Variants in PTCD2 observed in about 807,000 individuals in gnomAD.
PTCD2 encodes pentatricopeptide repeat domain 2.
A neutral mutation model predicts 42.6 loss-of-function variants in PTCD2; 31 were observed. The ratio of observed to expected loss-of-function variants is 0.73; its 90% CI spans 0.55 to 0.98. The LOEUF (loss-of-function observed/expected upper bound fraction) is 0.98. PTCD2 is among the 50% of genes least tolerant of loss of function. The pLI is 0.00. For synonymous variants in PTCD2, 183 were observed against 170.9 expected, an observed-to-expected ratio of 1.07 and a Z score of -0.55; for missense variants, 476 against 454.8, an observed-to-expected ratio of 1.05 and a Z score of -0.42.
chr5:72,338,103 A>G (rs1409932574), intron 6 of PTCD2, among the ~76,000 whole-genome samples: 2 of 152,212 alleles, frequency 1.3e-5, no homozygotes, highest in African/African-American at 4.8e-5. Flanking sequence ...CTGTTTTTAT[A>G]TCACTGACAT....
chr5:72,324,869 T>C (rs890494790), intron 2 of PTCD2, among the ~76,000 whole-genome samples: 2 of 152,144 alleles, frequency 1.3e-5, no homozygotes, highest in Non-Finnish European at 2.9e-5. Context: ...CAAATGTTGA[T>C]TGATTTGTTT....
rs1319393220 is a variant in PTCD2 at position 72,365,913 on chromosome 5, A to G, written c.*7486A>G. ...TTACAAAGATTATAGACAAAAATAG[A>G]TAACATATAAGACTTACCAGCTGGG... is the stretch of plus-strand genomic sequence containing the variant. On this transcript the variant is annotated 3_prime_UTR_variant, in exon 10 of 10. Coordinates refer to ENST00000380639, the MANE Select transcript of PTCD2 (RefSeq NM_024754.5). 3 of 152,196 alleles carry G rather than the reference A, an allele frequency of 2.0e-5. No homozygotes were observed. The highest frequency in any genetic ancestry group is 4.4e-5 in the Non-Finnish European group (3 of 68,026). 9.4% of individuals were successfully genotyped at this position (152,196 alleles called of 1,614,324 possible).
At chr5:72,336,492 T>C (rs1199538076) in intron 6 of PTCD2, among the ~76,000 whole-genome samples, 2 of 152,174 alleles carry the variant, frequency 1.3e-5, no homozygotes, top group Admixed American at 6.5e-5. Flanking sequence ...TTAATAAACG[T>C]ATGTGACATG....
In PTCD2 at chr5:72,339,966, A is replaced by C. The variant is rs189578250; in HGVS notation, c.753+1231A>C. 3.9e-5 allele frequency among the ~76,000 whole-genome samples: 6 copies of C among 152,070 alleles called. No individual in the cohort carries two copies. The East Asian group carries it at 1.2e-3, about 29-fold the overall frequency. On this transcript the variant is annotated intron_variant, in intron 7 of 9. Transcript: ENST00000380639. ...ATGCTTTATTTTTGCAATCTTTCTG[A>C]ATTGTTTTGTTTTAGCTTTGTCTCT...
chr5:72,354,229 C>T (rs934512441), intron 9 of PTCD2, among the ~76,000 whole-genome samples: 27 of 151,732 alleles, frequency 1.8e-4, no homozygotes, highest in African/African-American at 5.6e-4. Context: ...AATGTAACCC[C>T]GTATCTACTA....
chr5:72,321,320 G>A (rs1259910975), intron 1 of PTCD2: 1 of 152,062 alleles, frequency 6.6e-6, no homozygotes, highest in Non-Finnish European at 1.5e-5. Context: ...CTTTTCTCTA[G>A]ACAACACCCA....
chr5:72,331,108 G>A (rs950466771), intron 3 of PTCD2, 150 bp from the exon 4 acceptor site: 1 of 650,068 alleles, frequency 1.5e-6, no homozygotes, highest in Non-Finnish European at 2.8e-6. Flanking sequence ...ATTCCTGATT[G>A]TCTGAAATCT....
In PTCD2 at chr5:72,362,226, G is replaced by A. The variant is rs1378187965; in HGVS notation, c.*3799G>A. ...AATCCCCAAGGTGTTGGTATTAGAT[G>A]ATGTAGCCTTTGGGAAGGAATTAGG... is the stretch of plus-strand genomic sequence containing the variant. On this transcript the variant is annotated 3_prime_UTR_variant, in exon 10 of 10. Transcript: ENST00000380639. The A allele has an allele frequency of 4.6e-5, 7 of 152,178 alleles. No homozygotes were observed. Among genetic ancestry groups the A allele is most frequent in the African/African-American group, 1.7e-4 (7 of 41,434 alleles). The allele number at this position is 152,178 out of a possible 1,614,324, so 9.4% of individuals were successfully genotyped here. A position where few individuals can be genotyped will look rare whatever the true frequency, so the allele number is the denominator to read the frequency against.
intron 5 of PTCD2, among the ~76,000 whole-genome samples, chr5:72,335,365 C>T (rs903591206): frequency 5.3e-5 from 8 of 149,656 alleles, no homozygotes; most frequent in East Asian, 2.0e-4. Context: ...AGGAGAATGG[C>T]GTGAACCCGG....
chr5:72,346,142 C>T (rs1021382317), intron 8 of PTCD2, among the ~76,000 whole-genome samples: 4 of 151,896 alleles, frequency 2.6e-5, no homozygotes, highest in Non-Finnish European at 5.9e-5. Flanking sequence ...AAGGTGAGCC[C>T]AAGGAACCAG....
intron 8 of PTCD2, among the ~76,000 whole-genome samples, chr5:72,350,898 G>A (rs891030429): frequency 2.0e-5 from 3 of 152,130 alleles, no homozygotes; most frequent in African/African-American, 7.2e-5. Flanking sequence ...TTACTTCTGG[G>A]AATCAAGTCT....
At chr5:72,346,932 T>C (rs957022024) in intron 8 of PTCD2, among the ~76,000 whole-genome samples, 10 of 152,186 alleles carry the variant, frequency 6.6e-5, no homozygotes, top group Admixed American at 5.9e-4. Flanking sequence ...TTTCCTAGAA[T>C]TGAAGCAAGG....
chr5:72,357,829 TTTTAGGTGTATACCATAC>T (rs1420316835), intron 9 of PTCD2, among the ~76,000 whole-genome samples: 1 of 151,768 alleles, frequency 6.6e-6, no homozygotes, highest in Admixed American at 6.6e-5. Context: ...GTTTTCACGA[TTTTAGGTGTATACCATAC>T]TTTTTTTTTT....
chr5:72,332,470 G>A lies in PTCD2; in HGVS notation c.468+1095G>A, dbSNP rs189491138. ...TAGACACTAAATCACTTTATCTTTA[G>A]GGGGTAGAATTATTAAAAATTCTCA... On this transcript the variant is annotated intron_variant, in intron 4 of 9. Coordinates refer to ENST00000380639, the MANE Select transcript of PTCD2 (RefSeq NM_024754.5). Among the ~76,000 whole-genome samples the A allele has an allele frequency of 3.7e-3, 556 of 152,186 alleles. 6 individuals are homozygous for A. The highest frequency in any genetic ancestry group is 4.8e-3 in the Non-Finnish European group (325 of 68,004).
Position 72,358,237 on chromosome 5 carries a change from C to T in PTCD2, c.977C>T (p.Pro326Leu). Residue 326 changes from proline (P) to leucine (L), a missense_variant, in exon 10 of 10, where the codon CCT becomes CTT. Physicochemically the swap from Pro to Leu is moderately conservative, Grantham distance 98. Coordinates refer to ENST00000380639, the MANE Select transcript of PTCD2 (RefSeq NM_024754.5). The part of the protein sequence containing the change: ...AKVREKVKDV[P>L]ALVAKFDEIY... ...GTGAGGGAAAAAGTGAAGGATGTGC[C>T]TGCCCTTGTGGCCAAATTTGATGAG... 2 of 1,614,044 alleles carry T rather than the reference C, an allele frequency of 1.2e-6. No homozygotes were observed. The highest frequency in any genetic ancestry group is 1.7e-6 in the Non-Finnish European group (2 of 1,179,988).
intron 7 of PTCD2, among the ~76,000 whole-genome samples, chr5:72,339,735 A>G (rs1390265485): frequency 1.4e-5 from 2 of 139,300 alleles, no homozygotes; most frequent in Non-Finnish European, 3.1e-5. Context: ...TCTAAGTTAC[A>G]CTGTTTGGTG....
chr5:72,357,531 T>C (rs1268590552), intron 9 of PTCD2, among the ~76,000 whole-genome samples: 1 of 152,230 alleles, frequency 6.6e-6, no homozygotes, highest in Non-Finnish European at 1.5e-5. Context: ...CCACTTTAGA[T>C]GCTCTGATGG....
chr5:72,357,047 G>A (rs957993141), intron 9 of PTCD2, among the ~76,000 whole-genome samples: 46 of 152,088 alleles, frequency 3.0e-4, no homozygotes, highest in African/African-American at 1.1e-3. Flanking sequence ...ACCCATTTTG[G>A]GGGTTAAATA....
chr5:72,324,921 GTGT>G (rs1162825028), intron 2 of PTCD2, among the ~76,000 whole-genome samples: 2 of 151,470 alleles, frequency 1.3e-5, no homozygotes, highest in East Asian at 3.9e-4. Flanking sequence ...GATTCTTAAG[GTGT>G]TGTTTTTTTT....
Sources: allele counts gnomAD v4.1 joint callset (sites outside exome capture counted in the v4.1 genomes callset), GRCh38; gene constraint gnomAD v4.1.1; transcripts MANE v1.5; gene names NCBI Gene and HGNC (gene_info 2026-07-23, HGNC 2026-07-21).